The following RBMS3 variants were observed in gnomAD, a reference collection of about 807,000 sequenced individuals.
The protein encoded by RBMS3 is RNA-binding motif, single-stranded-interacting protein 3.
In RBMS3, 27 loss-of-function variants were observed where a neutral mutation model predicts 66.8. That is an observed-to-expected ratio of 0.40 (90% CI 0.30 to 0.56). The LOEUF is 0.56. Ranked by LOEUF, RBMS3 falls within the 20% of genes least tolerant of loss-of-function variation. RBMS3 has a pLI of 0.40. For missense variants in RBMS3, 513 were observed against 549.5 expected (o/e 0.93, Z 0.66); for synonymous variants, 188 against 183.0 (o/e 1.03, Z -0.22).
At chr3:29,943,395 A>C (rs952585917) in intron 11 of RBMS3, among the ~76,000 whole-genome samples, 74 of 151,834 alleles carry the variant, frequency 4.9e-4, no homozygotes, top group African/African-American at 1.8e-3. Flanking sequence ...GCCATATTCC[A>C]ATCTCCTTTT....
intron 2 of RBMS3, among the ~76,000 whole-genome samples, chr3:29,474,099 C>T (rs149448202): frequency 7.9e-5 from 12 of 152,384 alleles, no homozygotes; most frequent in East Asian, 5.8e-4. Context: ...CCGCGCCCAG[C>T]GCCTCTTCTA....
At chr3:29,853,892 C>G (rs1371053818) in intron 6 of RBMS3, among the ~76,000 whole-genome samples, 1 of 152,150 alleles carries the variant, frequency 6.6e-6, no homozygotes, top group African/African-American at 2.4e-5. Flanking sequence ...CCAGGGAGAC[C>G]TGGGTGATCA....
intron 1 of RBMS3, among the ~76,000 whole-genome samples, chr3:29,424,138 G>T (rs1040715828): frequency 6.6e-6 from 1 of 152,184 alleles, no homozygotes; most frequent in Non-Finnish European, 1.5e-5. Context: ...AACTGAAAAA[G>T]TATGGAAATG....
intron 3 of RBMS3, among the ~76,000 whole-genome samples, chr3:29,512,450 A>G (rs1487450814): frequency 1.3e-5 from 2 of 152,148 alleles, no homozygotes; most frequent in African/African-American, 4.8e-5. Flanking sequence ...AATAATTAAG[A>G]TTTATAAGTA....
intron 4 of RBMS3, among the ~76,000 whole-genome samples, chr3:29,731,443 G>A (rs1304120253): frequency 3.9e-5 from 6 of 152,152 alleles, no homozygotes; most frequent in African/African-American, 1.2e-4. Context: ...TTCTCTTTTA[G>A]TAGAGACAGA....
At chr3:29,712,894 C>T (rs1455953802) in intron 4 of RBMS3, among the ~76,000 whole-genome samples, 1 of 152,156 alleles carries the variant, frequency 6.6e-6, no homozygotes, top group Non-Finnish European at 1.5e-5. Context: ...CTCCACCTTG[C>T]AGACAGCATA....
Position 30,007,650 on chromosome 3 carries a change from C to T in RBMS3, c.*3788C>T, listed in dbSNP as rs1392077029. 3 of 152,064 alleles carry T rather than the reference C, an allele frequency of 2.0e-5. No individual in the cohort carries two copies. Among genetic ancestry groups the T allele is most frequent in the Non-Finnish European group, 4.4e-5 (3 of 67,972 alleles). The allele number at this position is 152,064 out of a possible 1,614,324, so 9.4% of individuals were successfully genotyped here. A position where few individuals can be genotyped will look rare whatever the true frequency, so the allele number is the denominator to read the frequency against. On this transcript the variant is annotated 3_prime_UTR_variant, in exon 15 of 15. Transcript: ENST00000383767. ...TAATGAGCCCAAGTGAACTGAAGGT[C>T]ATACTGGCAGGTGCTGATGACAGTT...
At chr3:29,943,224 A>G (rs1381588057) in intron 11 of RBMS3, among the ~76,000 whole-genome samples, 1 of 151,866 alleles carries the variant, frequency 6.6e-6, no homozygotes, top group African/African-American at 2.4e-5. Context: ...AATAAAGGTC[A>G]TATAAATGGA....
chr3:29,318,789 G>A (rs1465905335), intron 1 of RBMS3, among the ~76,000 whole-genome samples: 2 of 151,852 alleles, frequency 1.3e-5, no homozygotes, highest in Non-Finnish European at 2.9e-5. Context: ...GGAACCTTGA[G>A]AGACTTAAGT....
intron 1 of RBMS3, among the ~76,000 whole-genome samples, chr3:29,430,921 G>C (rs13073544): frequency 0.23 from 34,807 of 152,096 alleles, 4,147 homozygotes; most frequent in Non-Finnish European, 0.27. Context: ...GGGAAGTAAA[G>C]AGAAATCTCA....
intron 12 of RBMS3, among the ~76,000 whole-genome samples, chr3:29,963,825 C>T (rs1277940652): frequency 1.5e-4 from 10 of 67,758 alleles, no homozygotes; most frequent in Admixed American, 1.1e-3. Flanking sequence ...AGGCTGCCCC[C>T]TCCAAAAAAA....
chr3:29,775,641 T>C (rs2056403312), intron 6 of RBMS3, among the ~76,000 whole-genome samples: 1 of 152,080 alleles, frequency 6.6e-6, no homozygotes, highest in Non-Finnish European at 1.5e-5. Flanking sequence ...TCGCTGCTAA[T>C]TTCAGATAAT....
At chr3:29,631,100 A>T (rs2149175796) in intron 4 of RBMS3, among the ~76,000 whole-genome samples, 2 of 152,086 alleles carry the variant, frequency 1.3e-5, no homozygotes, top group Middle Eastern at 6.8e-3. Context: ...TATTAAGAGA[A>T]GTGACTCAGA....
At chr3:29,758,204 T>C (rs1203319584) in intron 5 of RBMS3, among the ~76,000 whole-genome samples, 1 of 152,200 alleles carries the variant, frequency 6.6e-6, no homozygotes, top group Non-Finnish European at 1.5e-5. Flanking sequence ...CATCCTACTC[T>C]TGAACAGATT....
intron 5 of RBMS3, among the ~76,000 whole-genome samples, chr3:29,758,066 T>G (rs761055301): frequency 9.9e-5 from 15 of 152,200 alleles, no homozygotes; most frequent in Non-Finnish European, 2.1e-4. Flanking sequence ...ACCCCTAGTT[T>G]TCATGGGTTT....
At chr3:29,677,474 A>AT (rs955180838) in intron 4 of RBMS3, among the ~76,000 whole-genome samples, 11 of 151,554 alleles carry the variant, frequency 7.3e-5, no homozygotes, top group African/African-American at 2.4e-4. Flanking sequence ...GTCTTCATTA[A>AT]TTTTTTTTTA....
At chr3:29,921,236 G>GT (rs1403216933) in intron 10 of RBMS3, among the ~76,000 whole-genome samples, 3 of 151,412 alleles carry the variant, frequency 2.0e-5, no homozygotes, top group African/African-American at 4.9e-5. Flanking sequence ...CTAATTTTTT[G>GT]TTTTTTTAAT....
At chr3:29,470,860 A>G (rs976305759) in intron 2 of RBMS3, among the ~76,000 whole-genome samples, 6 of 130,196 alleles carry the variant, frequency 4.6e-5, no homozygotes. Flanking sequence ...TAAATTTAAT[A>G]ACTAATAACT....
At chr3:29,343,663 G>A (rs548783028) in intron 1 of RBMS3, among the ~76,000 whole-genome samples, 2 of 152,250 alleles carry the variant, frequency 1.3e-5, no homozygotes, top group South Asian at 2.1e-4. Flanking sequence ...TGGAATGTTG[G>A]TGAACTGAAG....
Sources: gnomAD v4.1 joint callset for allele counts (sites outside exome capture counted in the v4.1 genomes callset) on GRCh38, gnomAD v4.1.1 for gene constraint, MANE v1.5 for transcripts, NCBI Gene and HGNC (gene_info 2026-07-23, HGNC 2026-07-21) for gene names.